Variants in MCPH1 observed in about 807,000 individuals in gnomAD.
MCPH1 encodes microcephalin.
In MCPH1, 104 loss-of-function variants were observed where a neutral mutation model predicts 84.5. That is an observed-to-expected ratio of 1.23 (90% CI 1.05 to 1.45). MCPH1 has a LOEUF of 1.45. MCPH1 is among the 40% of genes most tolerant of loss of function. The probability of loss-of-function intolerance (pLI) is 0.00; values close to 1 mark genes in which losing one functional copy is unlikely to be tolerated. For synonymous variants in MCPH1, 514 were observed against 366.8 expected (o/e 1.40, Z -4.58); for missense variants, 1,498 against 1,005.7 (o/e 1.49, Z -6.62).
At chr8:6,529,865 C>T (rs1334985303) in intron 12 of MCPH1, among the ~76,000 whole-genome samples, 1 of 142,472 alleles carries the variant, frequency 7.0e-6, no homozygotes, top group Non-Finnish European at 1.6e-5. Context: ...AACATGATAT[C>T]TAGTTTCACA....
rs193043833 is a variant in MCPH1, at chr8:6,431,208, C to G, written c.234-291C>G. The stretch of plus-strand genomic sequence containing the variant: ...GCATTTACCCTTAGCTTTATGAGTA[C>G]CATGCACTAATAATTTTGAAGTATG... On this transcript the variant is annotated intron_variant, in intron 3 of 13. Coordinates refer to ENST00000344683, the MANE Select transcript of MCPH1 (RefSeq NM_024596.5). Among the ~76,000 whole-genome samples the G allele has an allele frequency of 6.1e-4, 93 of 152,222 alleles. 3 individuals are homozygous for G. Among genetic ancestry groups the G allele is most frequent in the Admixed American group, 5.1e-3 (78 of 15,292 alleles).
In MCPH1 at chr8:6,645,646, C is replaced by G. The variant is rs924794612; in HGVS notation, c.*2597C>G. 2 of 101,586 alleles carry G rather than the reference C, an allele frequency of 2.0e-5. No homozygotes were observed. The highest frequency in any genetic ancestry group is 8.1e-5 in the African/African-American group (2 of 24,770). The allele number at this position is 101,586 out of a possible 1,614,324, so 6.3% of individuals were successfully genotyped here. A position where few individuals can be genotyped will look rare whatever the true frequency, so the allele number is the denominator to read the frequency against. On this transcript the variant is annotated 3_prime_UTR_variant, in exon 14 of 14. Coordinates refer to ENST00000344683, the MANE Select transcript of MCPH1 (RefSeq NM_024596.5). ...AAAAAAGCCCTACAAGAACTTATAA[C>G]AAGTTTAGCAAGATTGCAATATACA...
chr8:6,458,482 AAAAAG>A (rs1395220429), intron 9 of MCPH1, among the ~76,000 whole-genome samples: 5 of 132,896 alleles, frequency 3.8e-5, no homozygotes, highest in Admixed American at 2.8e-4. Flanking sequence ...AAAAAAAAAA[AAAAAG>A]AAAAAAAAAA....
chr8:6,451,529 A>T (rs1326326340), intron 8 of MCPH1, among the ~76,000 whole-genome samples: 1 of 150,490 alleles, frequency 6.6e-6, no homozygotes, highest in Non-Finnish European at 1.5e-5. Flanking sequence ...AACGATTACA[A>T]AGGATAAAAT....
chr8:6,616,179 G>A (rs939680422), intron 12 of MCPH1: 1 of 152,186 alleles, frequency 6.6e-6, no homozygotes, highest in African/African-American at 2.4e-5. Context: ...AGCCCTGTAA[G>A]ACACGTCCTG....
intron 5 of MCPH1, 31 bp from the exon 6 acceptor site, chr8:6,438,922 G>T: frequency 1.2e-6 from 2 of 1,604,472 alleles, no homozygotes; most frequent in Non-Finnish European, 1.7e-6. Flanking sequence ...GCACTTTTTG[G>T]TCTTAAAGTG....
At chr8:6,479,209 G>T (rs1808861449) in intron 10 of MCPH1, among the ~76,000 whole-genome samples, 1 of 151,922 alleles carries the variant, frequency 6.6e-6, no homozygotes, top group Admixed American at 6.6e-5. Context: ...CAAGGATGCA[G>T]TGAGCCATGA....
intron 2 of MCPH1, among the ~76,000 whole-genome samples, chr8:6,411,602 G>C (rs780429457): frequency 6.6e-6 from 1 of 152,160 alleles, no homozygotes; most frequent in Non-Finnish European, 1.5e-5. Flanking sequence ...AAATTGTGAA[G>C]AACTATGCTA....
chr8:6,440,373 A>G (rs530344108), intron 6 of MCPH1, among the ~76,000 whole-genome samples: 119 of 152,196 alleles, frequency 7.8e-4, no homozygotes, highest in Admixed American at 1.6e-3. Flanking sequence ...GTGTATTTCA[A>G]TAATACTAAT....
intron 12 of MCPH1, among the ~76,000 whole-genome samples, chr8:6,539,787 A>T (rs4376511): frequency 0.57 from 86,988 of 151,970 alleles, 26,569 homozygotes; most frequent in Non-Finnish European, 0.68. Flanking sequence ...GGGCTTCGCC[A>T]TGTTGGTCAG....
At chr8:6,440,012 T>C (rs1209754142) in intron 6 of MCPH1, among the ~76,000 whole-genome samples, 2 of 152,254 alleles carry the variant, frequency 1.3e-5, no homozygotes, top group Non-Finnish European at 2.9e-5. Flanking sequence ...ATTTCTGTTT[T>C]ACCTAAATTA....
At chr8:6,514,659 C>A in intron 12 of MCPH1, 1 of 1,606,394 alleles carries the variant, frequency 6.2e-7, no homozygotes, top group Non-Finnish European at 8.5e-7. Context: ...TTTCTGATGC[C>A]TTAAAGAATG....
chr8:6,443,643 C>T (rs1416710348), intron 7 of MCPH1, among the ~76,000 whole-genome samples: 1 of 152,202 alleles, frequency 6.6e-6, no homozygotes, highest in African/African-American at 2.4e-5. Flanking sequence ...GCCCACGTAA[C>T]CATGGGGCAG....
intron 12 of MCPH1, chr8:6,532,304 A>G (rs573312677): frequency 1.2e-6 from 2 of 1,613,886 alleles, no homozygotes; most frequent in Non-Finnish European, 1.7e-6. Context: ...CTGCAGGGAC[A>G]CCGTGTGCTT....
At chr8:6,625,658 G>A (rs886182517) in intron 13 of MCPH1, 5 of 985,168 alleles carry the variant, frequency 5.1e-6, no homozygotes, top group Admixed American at 6.2e-5. Flanking sequence ...TGAGCCGGGC[G>A]TGGTGGCCCA....
rs149021215 is a variant in MCPH1, at chr8:6,476,681, C to G, written c.1936-913C>G. ...ACGTAGTATACAAACCGCTTCATGT[C>G]TGTCATTTTCGTCAACCCTGGGGTC... is the stretch of plus-strand genomic sequence containing the variant. On this transcript the variant is annotated intron_variant, in intron 9 of 13. Transcript: ENST00000344683. 2.4e-3 allele frequency among the ~76,000 whole-genome samples: 366 copies of G among 152,320 alleles called. 4 individuals are homozygous for G. Among genetic ancestry groups the G allele is most frequent in the African/African-American group, 8.5e-3 (354 of 41,566 alleles).
rs184329875 is a variant in MCPH1 at position 6,480,324 on chromosome 8, C to G, written c.1974-390C>G. Among the ~76,000 whole-genome samples the G allele has an allele frequency of 1.2e-3, 187 of 152,124 alleles. 2 individuals carry two copies. The East Asian group carries it at 0.031, about 25-fold the overall frequency. ...AGTTTTTAGTAGAGACGGGGTTTCA[C>G]CATGTTGGCTAGGCTGATCTTGAAC... On this transcript the variant is annotated intron_variant, in intron 10 of 13. Coordinates refer to ENST00000344683, the MANE Select transcript of MCPH1 (RefSeq NM_024596.5).
intron 12 of MCPH1, among the ~76,000 whole-genome samples, chr8:6,585,767 T>A (rs1055144579): frequency 6.6e-6 from 1 of 152,226 alleles, no homozygotes; most frequent in Non-Finnish European, 1.5e-5. Context: ...GCTGAGCAAC[T>A]TGGCCTGTAC....
rs759764698 is a variant in MCPH1 at position 6,431,544 on chromosome 8, A to G, written c.279A>G (p.Ala93=). Reference sequence around the variant, plus strand: ...ACATTGATGAATCATTGTTCCCTGCAGCTAATATGAATGAACACTTATCAA... The same window carrying G: ...ACATTGATGAATCATTGTTCCCTGCGGCTAATATGAATGAACACTTATCAA... The part of the protein sequence containing the change: ...GAHIDESLFP[A]ANMNEHLSSL... Residue 93 remains alanine, a synonymous_variant, in exon 4 of 14, where the codon GCA becomes GCG. Coordinates refer to ENST00000344683, the MANE Select transcript of MCPH1 (RefSeq NM_024596.5). 7 of 1,613,568 alleles carry G rather than the reference A, an allele frequency of 4.3e-6. No homozygotes were observed. The African/African-American group carries it at 8.0e-5, about 18-fold the overall frequency.
Sources: allele counts gnomAD v4.1 joint callset (sites outside exome capture counted in the v4.1 genomes callset), GRCh38; gene constraint gnomAD v4.1.1; transcripts MANE v1.5; gene names NCBI Gene and HGNC (gene_info 2026-07-23, HGNC 2026-07-21).